RALY: variants seen among roughly 807,000 people sequenced by gnomAD.
RALY encodes RNA-binding protein Raly.
A neutral mutation model predicts 30.7 loss-of-function variants in RALY; 15 were observed. The ratio of observed to expected loss-of-function variants is 0.49; its 90% CI spans 0.33 to 0.75. RALY has a LOEUF of 0.75. Ranked by LOEUF, RALY falls within the 30% of genes least tolerant of loss-of-function variation. The pLI is 0.02. For missense variants in RALY, 339 were observed against 414.3 expected, an observed-to-expected ratio of 0.82 and a Z score of 1.58; for synonymous variants, 177 against 170.8, an observed-to-expected ratio of 1.04 and a Z score of -0.28.
At chr20:34,057,962 G>T (rs1381003308) in intron 2 of RALY, among the ~76,000 whole-genome samples, 1 of 152,070 alleles carries the variant, frequency 6.6e-6, no homozygotes, top group African/African-American at 2.4e-5. Flanking sequence ...TTCTGTCTCT[G>T]TCCAAAGCCA....
At chr20:34,073,779 C>G (rs766049595) in intron 4 of RALY, 40 bp from the exon 5 acceptor site, 2 of 1,607,888 alleles carry the variant, frequency 1.2e-6, no homozygotes, top group South Asian at 2.2e-5. Context: ...GGCTGAGTGG[C>G]CGTCCCTAAG....
At chr20:34,044,300 T>C (rs959197545) in intron 2 of RALY, among the ~76,000 whole-genome samples, 6 of 152,172 alleles carry the variant, frequency 3.9e-5, no homozygotes, top group African/African-American at 7.2e-5. Context: ...TGTACGAGTA[T>C]GTAGCTGTGT....
At position 34,029,993 on chromosome 20, in the gene RALY, A is replaced by C. The variant is rs151065732; in HGVS notation, c.-92-1529A>C. ...GATTACAGTAGCTAGAGATTAGAGA[A>C]GCCTCTGGAACCACCTGGCTGAAGG... On this transcript the variant is annotated intron_variant, in intron 1 of 9. Coordinates refer to ENST00000246194, the MANE Select transcript of RALY (RefSeq NM_016732.3). 985 of 152,376 alleles carry C rather than the reference A, an allele frequency of 6.5e-3. 7 individuals are homozygous for C. Among genetic ancestry groups the C allele is most frequent in the Middle Eastern group, 0.014 (4 of 294 alleles). The allele number at this position is 152,376 out of a possible 1,614,324, so 9.4% of individuals were successfully genotyped here. A position where few individuals can be genotyped will look rare whatever the true frequency, so the allele number is the denominator to read the frequency against.
intron 1 of RALY, among the ~76,000 whole-genome samples, chr20:34,008,830 T>A (rs1411302319): frequency 1.3e-5 from 2 of 152,208 alleles, no homozygotes; most frequent in Non-Finnish European, 2.9e-5. Context: ...AAGTGTTTTT[T>A]AAATTTTTTT....
intron 2 of RALY, among the ~76,000 whole-genome samples, chr20:34,034,025 C>G (rs1044747856): frequency 6.6e-6 from 1 of 152,140 alleles, no homozygotes; most frequent in Non-Finnish European, 1.5e-5. Context: ...ACTCATGAAC[C>G]GTGGTATAGG....
chr20:34,010,670 A>G (rs1321481290), intron 1 of RALY, among the ~76,000 whole-genome samples: 1 of 152,172 alleles, frequency 6.6e-6, no homozygotes, highest in Non-Finnish European at 1.5e-5. Context: ...TTTCCAGATA[A>G]AGAGAGGAAG....
In RALY at chr20:34,009,232, G is replaced by GT. The variant is rs547006551; in HGVS notation, c.-93+15110dup. 2.1e-3 allele frequency among the ~76,000 whole-genome samples: 322 copies of GT among 149,998 alleles called. 5 individuals carry two copies. Among genetic ancestry groups the GT allele is most frequent in the Admixed American group, 7.4e-4 (11 of 14,946 alleles). ...TTTGTTTTGTTTTGGTGTGTGTGTG[G>GT]TTTTTTTTTGTTTTGTTTTGTTTTT... is the stretch of plus-strand genomic sequence containing the variant. On this transcript the variant is annotated intron_variant, in intron 1 of 9. Transcript: ENST00000246194.
At chr20:34,056,448 T>G (rs1006369292) in intron 2 of RALY, among the ~76,000 whole-genome samples, 2 of 152,230 alleles carry the variant, frequency 1.3e-5, no homozygotes, top group Admixed American at 1.3e-4. Context: ...GTTCTGGTTT[T>G]CTTGAGGTTT....
intron 2 of RALY, among the ~76,000 whole-genome samples, chr20:34,071,558 G>A (rs1446675626): frequency 6.6e-6 from 1 of 152,124 alleles, no homozygotes; most frequent in Non-Finnish European, 1.5e-5. Flanking sequence ...GATTACAGTT[G>A]TGAGCCACCA....
chr20:34,076,580 G>GA (rs1315226989), intron 6 of RALY, 122 bp from the exon 7 acceptor site: 9 of 864,672 alleles, frequency 1.0e-5, no homozygotes, highest in Middle Eastern at 2.5e-4. Context: ...CCTAAGCAGG[G>GA]AAAAAACAAA....
Position 34,075,950 on chromosome 20 carries a change from G to A in RALY, c.454G>A (p.Val152Ile), listed in dbSNP as rs2033864471. 6.2e-7 allele frequency: 1 copy of A among 1,614,224 alleles called. No homozygotes were observed. The highest frequency in any genetic ancestry group is 8.5e-7 in the Non-Finnish European group (1 of 1,180,036). ...CCCTGTGAAGCGACCCCGGGTCACA[G>A]TCCCTTTGGTCCGGCGTGTCAAAAC... ...AVPVKRPRVT[V>I]PLVRRVKTNV... Residue 152 changes from valine (V) to isoleucine (I), a missense_variant, in exon 6 of 10, where the codon GTC (valine) becomes ATC (isoleucine). Val to Ile is a conservative substitution (Grantham distance 29). Coordinates refer to ENST00000246194, the MANE Select transcript of RALY (RefSeq NM_016732.3).
intron 2 of RALY, among the ~76,000 whole-genome samples, chr20:34,050,639 G>A (rs1329013608): frequency 2.6e-5 from 4 of 152,132 alleles, no homozygotes; most frequent in Non-Finnish European, 5.9e-5. Context: ...TAGCTGGTCA[G>A]CCTGGTCCCA....
intron 2 of RALY, among the ~76,000 whole-genome samples, chr20:34,058,711 G>A (rs1401632719): frequency 6.6e-6 from 1 of 152,128 alleles, no homozygotes; most frequent in African/African-American, 2.4e-5. Context: ...GATGTCCAAG[G>A]TCACACAACT....
At position 34,084,134 on chromosome 20, in the gene RALY, A is replaced by C. The variant is rs2034068935; in HGVS notation, c.*4229A>C. 6.6e-6 allele frequency: 1 copy of C among 152,172 alleles called. No individual in the cohort carries two copies. Among genetic ancestry groups the C allele is most frequent in the Non-Finnish European group, 1.5e-5 (1 of 68,024 alleles). 9.4% of individuals were successfully genotyped at this position (152,172 alleles called of 1,614,324 possible). A position where few individuals can be genotyped will look rare whatever the true frequency, so the allele number is the denominator to read the frequency against. On this transcript the variant is annotated 3_prime_UTR_variant, in exon 10 of 10. Transcript: ENST00000246194. ...TTGTAAAGTCCAGGGATCTTCAGACATGGGGACTTGGGTTCAAAAGCTGCC... is the reference window on the plus strand; with the variant it reads ...TTGTAAAGTCCAGGGATCTTCAGACCTGGGGACTTGGGTTCAAAAGCTGCC...
intron 2 of RALY, among the ~76,000 whole-genome samples, chr20:34,048,630 G>T (rs915486114): frequency 3.3e-5 from 5 of 152,158 alleles, no homozygotes; most frequent in Non-Finnish European, 7.3e-5. Context: ...GCTGAGGCAG[G>T]TGGATCACGA....
intron 1 of RALY, among the ~76,000 whole-genome samples, chr20:33,999,614 C>T (rs142162517): frequency 3.5e-4 from 54 of 152,206 alleles, no homozygotes; most frequent in Middle Eastern, 3.4e-3. Flanking sequence ...CTCTCTAAGC[C>T]GAAGCCACTT....
intron 1 of RALY, among the ~76,000 whole-genome samples, chr20:34,011,784 G>GGCCA (rs1467287645): frequency 6.6e-6 from 1 of 152,204 alleles, no homozygotes; most frequent in Non-Finnish European, 1.5e-5. Context: ...GCAGCCATGG[G>GGCCA]GCCAGACACG....
intron 2 of RALY, among the ~76,000 whole-genome samples, chr20:34,064,492 G>A (rs2033511468): frequency 6.6e-6 from 1 of 152,164 alleles, no homozygotes; most frequent in South Asian, 2.1e-4. Flanking sequence ...ACCCCTCTTG[G>A]CTGGTGGTTC....
chr20:34,013,559 C>T (rs894878906), intron 1 of RALY, among the ~76,000 whole-genome samples: 1 of 152,112 alleles, frequency 6.6e-6, no homozygotes, highest in African/African-American at 2.4e-5. Flanking sequence ...ATCCCCTTTA[C>T]CTGACAGACT....
Sources: gnomAD v4.1 joint callset for allele counts (sites outside exome capture counted in the v4.1 genomes callset) on GRCh38, gnomAD v4.1.1 for gene constraint, MANE v1.5 for transcripts, NCBI Gene and HGNC (gene_info 2026-07-23, HGNC 2026-07-21) for gene names.